The following NCALD variants were observed in gnomAD, a reference collection of about 807,000 sequenced individuals.
The protein encoded by NCALD is neurocalcin-delta.
In NCALD, 10 loss-of-function variants were observed where a neutral mutation model predicts 18.6. That is an observed-to-expected ratio of 0.54 (90% CI 0.33 to 0.91). The LOEUF is 0.91. NCALD is among the 40% of genes least tolerant of loss of function. NCALD has a pLI of 0.03. For synonymous variants in NCALD, 88 were observed against 87.4 expected (o/e 1.01, Z -0.04); for missense variants, 184 against 247.6 (o/e 0.74, Z 1.72).
At chr8:102,080,395 C>G (rs1824487859) in intron 1 of NCALD, among the ~76,000 whole-genome samples, 2 of 152,182 alleles carry the variant, frequency 1.3e-5, no homozygotes, top group Admixed American at 1.3e-4. Context: ...CACATTTTTT[C>G]AGATAGCACA....
chr8:101,944,002 G>A (rs977856343), intron 2 of NCALD, among the ~76,000 whole-genome samples: 1 of 151,860 alleles, frequency 6.6e-6, no homozygotes, highest in Admixed American at 6.6e-5. Context: ...AAAAAAACAG[G>A]GGCAACTTGT....
chr8:101,884,128 C>T (rs987640010), intron 4 of NCALD, among the ~76,000 whole-genome samples: 1 of 152,164 alleles, frequency 6.6e-6, no homozygotes, highest in Non-Finnish European at 1.5e-5. Context: ...TGCATGTTCC[C>T]TTCTACCTTA....
chr8:101,900,969 T>G (rs1273618393), intron 3 of NCALD, among the ~76,000 whole-genome samples: 1 of 152,074 alleles, frequency 6.6e-6, no homozygotes, highest in South Asian at 2.1e-4. Context: ...TATTTCTTTT[T>G]TCAGTTCTAT....
intron 3 of NCALD, among the ~76,000 whole-genome samples, chr8:101,889,725 C>G (rs1439966750): frequency 6.6e-6 from 1 of 152,158 alleles, no homozygotes; most frequent in Non-Finnish European, 1.5e-5. Context: ...GAAGAATTAG[C>G]CAGCTTCCCA....
chr8:102,008,627 T>C (rs1256607144), intron 2 of NCALD, among the ~76,000 whole-genome samples: 1 of 152,142 alleles, frequency 6.6e-6, no homozygotes, highest in East Asian at 1.9e-4. Flanking sequence ...TTGAGGCCAA[T>C]AGAAATCTGT....
chr8:102,121,721 C>T (rs543682649), intron 1 of NCALD, among the ~76,000 whole-genome samples: 24 of 152,312 alleles, frequency 1.6e-4, no homozygotes, highest in African/African-American at 5.8e-4. Flanking sequence ...TACATTTCTT[C>T]ATTGTTAGTC....
intron 2 of NCALD, among the ~76,000 whole-genome samples, chr8:102,003,775 A>T (rs1334962009): frequency 4.6e-5 from 7 of 152,306 alleles, no homozygotes; most frequent in African/African-American, 1.7e-4. Flanking sequence ...CAATGACAAA[A>T]ACCACATGAT....
At chr8:102,014,429 G>A (rs878924609) in intron 2 of NCALD, among the ~76,000 whole-genome samples, 1 of 152,066 alleles carries the variant, frequency 6.6e-6, no homozygotes, top group African/African-American at 2.4e-5. Flanking sequence ...CTCTTTGGGG[G>A]TTGGGTTTCA....
At chr8:101,731,223 A>G (rs1204665088) in intron 1 of NCALD, among the ~76,000 whole-genome samples, 51 of 152,218 alleles carry the variant, frequency 3.4e-4, no homozygotes, top group Non-Finnish European at 5.9e-5. Context: ...TATGAAGGAG[A>G]TGACGTCAGC....
In NCALD at chr8:101,784,451, G is replaced by A. The variant is rs1458168452; in HGVS notation, c.-20+6411C>T. ...TTGGACCAATCATAAGCCCATTTAGGTTCAAAGGGAGGGGCAATAGACTTC... is the reference window on the plus strand; with the variant it reads ...TTGGACCAATCATAAGCCCATTTAGATTCAAAGGGAGGGGCAATAGACTTC... On this transcript the variant is annotated intron_variant, in intron 1 of 3. Transcript: ENST00000220931. Among the ~76,000 whole-genome samples, 4 of 152,198 alleles carry A rather than the reference G, an allele frequency of 2.6e-5. No homozygotes were observed. In the South Asian group the frequency reaches 6.2e-4, roughly 24 times the overall value.
At chr8:102,093,827 T>C (rs1488183673) in intron 1 of NCALD, among the ~76,000 whole-genome samples, 1 of 151,906 alleles carries the variant, frequency 6.6e-6, no homozygotes, top group African/African-American at 2.4e-5. Context: ...AAGTCAGCTC[T>C]CCACCCTGCA....
chr8:101,876,782 T>A (rs887458079), intron 4 of NCALD, among the ~76,000 whole-genome samples: 1 of 152,268 alleles, frequency 6.6e-6, no homozygotes, highest in African/African-American at 2.4e-5. Flanking sequence ...CTGTTATGCA[T>A]GTTGCTAAGC....
intron 1 of NCALD, among the ~76,000 whole-genome samples, chr8:102,102,629 G>A (rs187946187): frequency 7.6e-4 from 116 of 152,282 alleles, no homozygotes; most frequent in Middle Eastern, 3.4e-3. Flanking sequence ...CCCCAGCCCC[G>A]CTCCACTGCC....
At chr8:101,926,771 GTAGGGT>G (rs1372630568) in intron 2 of NCALD, among the ~76,000 whole-genome samples, 1 of 152,198 alleles carries the variant, frequency 6.6e-6, no homozygotes, top group Non-Finnish European at 1.5e-5. Context: ...TCATGGCCAG[GTAGGGT>G]TAGGGTTAGG....
chr8:101,832,224 G>C (rs1421203465), intron 4 of NCALD, among the ~76,000 whole-genome samples: 1 of 151,972 alleles, frequency 6.6e-6, no homozygotes, highest in Non-Finnish European at 1.5e-5. Context: ...GTCTCCACCC[G>C]GGGAAAGAAA....
intron 2 of NCALD, among the ~76,000 whole-genome samples, chr8:101,955,344 T>TA (rs1563930505): frequency 6.6e-6 from 1 of 152,164 alleles, no homozygotes; most frequent in Admixed American, 6.5e-5. Flanking sequence ...TGTGAATATA[T>TA]AAAATCTCAC....
At chr8:101,864,195 G>A (rs771211761) in intron 4 of NCALD, among the ~76,000 whole-genome samples, 16 of 152,168 alleles carry the variant, frequency 1.1e-4, no homozygotes, top group Non-Finnish European at 1.9e-4. Flanking sequence ...GTGGCTCAAA[G>A]AACACAAAAC....
At chr8:101,869,887 A>T (rs959475010) in intron 4 of NCALD, among the ~76,000 whole-genome samples, 2 of 152,216 alleles carry the variant, frequency 1.3e-5, no homozygotes, top group Non-Finnish European at 2.9e-5. Context: ...CAATCATGAT[A>T]AACTAGATGC....
At chr8:101,904,683 C>T (rs1817551608) in intron 3 of NCALD, among the ~76,000 whole-genome samples, 2 of 152,182 alleles carry the variant, frequency 1.3e-5, no homozygotes, top group Admixed American at 6.5e-5. Context: ...CATCATGCAT[C>T]CCAAAAGAAG....
Sources: allele counts gnomAD v4.1 joint callset (sites outside exome capture counted in the v4.1 genomes callset), GRCh38; gene constraint gnomAD v4.1.1; transcripts MANE v1.5; gene names NCBI Gene and HGNC (gene_info 2026-07-23, HGNC 2026-07-21).